DDX19A: variants seen among roughly 807,000 people sequenced by gnomAD.
The protein encoded by DDX19A is ATP-dependent RNA helicase DDX19A.
A neutral mutation model predicts 60.6 loss-of-function variants in DDX19A; 12 were observed. That is an observed-to-expected ratio of 0.20 (90% CI 0.13 to 0.32). The LOEUF is 0.32. Among genes scored for constraint, DDX19A ranks in the 10% least tolerant of loss-of-function variants. The pLI is 1.00. For synonymous variants in DDX19A, 206 were observed against 218.2 expected (o/e 0.94, Z 0.49); for missense variants, 337 against 600.6 (o/e 0.56, Z 4.59).
At chr16:70,364,773 T>C in intron 6 of DDX19A, 128 bp downstream of exon 6, 1 of 745,942 alleles carries the variant, frequency 1.3e-6, no homozygotes, top group South Asian at 1.6e-5. Flanking sequence ...AGCAAGTTCC[T>C]ACACCAGGCC....
chr16:70,366,281 G>T lies in DDX19A; in HGVS notation c.782+19G>T. ...TCCAGAGGTAGGGATCTCGAGGGTG[G>T]GGGACTCCTCAGACTCCCCATCTGC... On this transcript the variant is annotated intron_variant, in intron 8 of 11. Coordinates refer to ENST00000302243, the MANE Select transcript of DDX19A (RefSeq NM_018332.5). The T allele has an allele frequency of 6.2e-7, 1 of 1,613,586 alleles. No homozygotes were observed. Among genetic ancestry groups the T allele is most frequent in the Non-Finnish European group, 8.5e-7 (1 of 1,179,624 alleles).
At chr16:70,352,018 A>G (rs1964030936) in intron 2 of DDX19A, among the ~76,000 whole-genome samples, 2 of 152,174 alleles carry the variant, frequency 1.3e-5, no homozygotes, top group South Asian at 4.1e-4. Flanking sequence ...ATTCTGAGGT[A>G]CTGGTTAGGA....
At chr16:70,366,928 G>C in intron 9 of DDX19A, 67 bp downstream of exon 9, 14 of 1,581,734 alleles carry the variant, frequency 8.9e-6, no homozygotes, top group Non-Finnish European at 1.1e-5. Context: ...GGGCTCAGGA[G>C]GACTGGATGC....
At chr16:70,352,375 C>G (rs757773277) in intron 2 of DDX19A, among the ~76,000 whole-genome samples, 4 of 151,284 alleles carry the variant, frequency 2.6e-5, no homozygotes, top group Non-Finnish European at 4.4e-5. Flanking sequence ...ACCTCCGCCT[C>G]CCGGGTTCAA....
intron 7 of DDX19A, 40 bp from the exon 8 acceptor site, chr16:70,366,045 G>A (rs760158581): frequency 1.2e-6 from 2 of 1,614,016 alleles, no homozygotes; most frequent in Non-Finnish European, 1.7e-6. Flanking sequence ...AGCTGGCTTT[G>A]CCTTTGAAAT....
At chr16:70,363,662 G>A (rs1964435249) in intron 5 of DDX19A, 1 of 151,584 alleles carries the variant, frequency 6.6e-6, no homozygotes, top group African/African-American at 2.4e-5. Flanking sequence ...ATGGAGGTGG[G>A]GTTTCACCAT....
intron 4 of DDX19A, among the ~76,000 whole-genome samples, chr16:70,360,142 G>A (rs1317673578): frequency 2.0e-5 from 3 of 151,960 alleles, no homozygotes. Flanking sequence ...TTAGCCAGGT[G>A]TGGCAGTATG....
Position 70,365,353 on chromosome 16 carries a change from G to A in DDX19A, c.604+222G>A, listed in dbSNP as rs749903226. On this transcript the variant is annotated intron_variant, in intron 7 of 11. Coordinates refer to ENST00000302243, the MANE Select transcript of DDX19A (RefSeq NM_018332.5). ...TGATTAAAAAAAAAAATCCACGCAT[G>A]GCTCACAGAGTTCTTAATATCTAGA... The A allele has an allele frequency of 1.4e-5, 5 of 367,822 alleles. No homozygotes were observed. The Admixed American group carries it at 2.1e-4, about 16-fold the overall frequency. 22.8% of individuals were successfully genotyped at this position (367,822 alleles called of 1,614,324 possible). A position where few individuals can be genotyped will look rare whatever the true frequency, so the allele number is the denominator to read the frequency against.
intron 5 of DDX19A, among the ~76,000 whole-genome samples, chr16:70,362,872 G>T (rs1459264843): frequency 6.6e-6 from 1 of 151,644 alleles, no homozygotes. Flanking sequence ...AAATTAGCCG[G>T]GCTTGGTGGC....
chr16:70,348,031 A>C, intron 1 of DDX19A: 1 of 439,766 alleles, frequency 2.3e-6, no homozygotes, highest in Non-Finnish European at 4.5e-6. Context: ...GAATTAGACA[A>C]GGCTGGCAAG....
At chr16:70,347,409 T>G in intron 1 of DDX19A, 1 of 264,950 alleles carries the variant, frequency 3.8e-6, no homozygotes, top group South Asian at 5.6e-5. Flanking sequence ...TATTTAACAT[T>G]TCTTAGATCC....
chr16:70,368,992 C>G (rs150947432), intron 9 of DDX19A, among the ~76,000 whole-genome samples: 1 of 149,870 alleles, frequency 6.7e-6, no homozygotes, highest in South Asian at 2.1e-4. Flanking sequence ...TCAGCCTTCC[C>G]GGGTAGCTGG....
chr16:70,357,386 T>G lies in DDX19A; in HGVS notation c.293+1139T>G, dbSNP rs1168648033. 1.7e-3 allele frequency among the ~76,000 whole-genome samples: 162 copies of G among 96,366 alleles called. 9 individuals are homozygous for G. The highest frequency in any genetic ancestry group is 0.016 in the Admixed American group (138 of 8,484). 63.2% of individuals were successfully genotyped at this position (96,366 alleles called of 152,430 possible). A position where few individuals can be genotyped will look rare whatever the true frequency, so the allele number is the denominator to read the frequency against. Reference sequence around the variant, plus strand: ...GGTTTGTTTTTTTTTTTTTTTTTTTTTTTTTTTTTTTTTTTTGAGACCAAG... The same window carrying G: ...GGTTTGTTTTTTTTTTTTTTTTTTTGTTTTTTTTTTTTTTTTGAGACCAAG... On this transcript the variant is annotated intron_variant, in intron 4 of 11. Transcript: ENST00000302243.
intron 4 of DDX19A, chr16:70,356,837 T>G: frequency 2.4e-6 from 3 of 1,229,460 alleles, no homozygotes; most frequent in Non-Finnish European, 3.1e-6. Context: ...ATTTCTCTTA[T>G]ACTCTTAGAA....
At chr16:70,351,022 G>A (rs1258267814) in intron 2 of DDX19A, among the ~76,000 whole-genome samples, 6 of 150,830 alleles carry the variant, frequency 4.0e-5, no homozygotes, top group South Asian at 2.1e-4. Context: ...GGGACTACAG[G>A]CGCTTGCCAC....
Position 70,366,722 on chromosome 16 carries a change from T to C in DDX19A, c.881T>C (p.Ile294Thr). The change falls in exon 9 of 12, where the codon ATC becomes ACC. Residue 294 changes from isoleucine (I) to threonine (T), a missense_variant. Ile to Thr is a moderately conservative substitution (Grantham distance 89). Transcript: ENST00000302243. ...AAAGTGGTCCCAGACCCAAATGTTA[T>C]CAAACTGAAGCGTGAGGAAGAGACC... The part of the protein sequence containing the change: ...AQKVVPDPNV[I>T]KLKREEETLD... 1.2e-6 allele frequency: 2 copies of C among 1,614,186 alleles called. No homozygotes were observed. Among genetic ancestry groups the C allele is most frequent in the Non-Finnish European group, 1.7e-6 (2 of 1,180,042 alleles).
chr16:70,353,635 T>C (rs951165257), intron 2 of DDX19A, among the ~76,000 whole-genome samples: 4 of 152,114 alleles, frequency 2.6e-5, no homozygotes, highest in African/African-American at 9.7e-5. Flanking sequence ...GCACAGCGGC[T>C]CATGCTTGTA....
chr16:70,358,603 G>T (rs1439503220), intron 4 of DDX19A, among the ~76,000 whole-genome samples: 1 of 152,048 alleles, frequency 6.6e-6, no homozygotes, highest in African/African-American at 2.4e-5. Context: ...CAGCACTTTG[G>T]GAGGTCAAGG....
chr16:70,358,960 G>A (rs1483148120), intron 4 of DDX19A, among the ~76,000 whole-genome samples: 1 of 152,186 alleles, frequency 6.6e-6, no homozygotes, highest in Non-Finnish European at 1.5e-5. Flanking sequence ...TAGACATGTG[G>A]TATGATTTCC....
Sources: gnomAD v4.1 joint callset for allele counts (sites outside exome capture counted in the v4.1 genomes callset) on GRCh38, gnomAD v4.1.1 for gene constraint, MANE v1.5 for transcripts, NCBI Gene and HGNC (gene_info 2026-07-23, HGNC 2026-07-21) for gene names.